DGKD: variants seen among roughly 807,000 people sequenced by gnomAD.
DGKD encodes DAG kinase delta.
DGKD carries 68 observed loss-of-function variants against 154.4 expected under a neutral mutation model. That is an observed-to-expected ratio of 0.44 (90% CI 0.36 to 0.54). DGKD has a LOEUF of 0.54. Ranked by LOEUF, DGKD falls within the 20% of genes least tolerant of loss-of-function variation. The probability of loss-of-function intolerance (pLI) is 0.00; values close to 1 mark genes in which losing one functional copy is unlikely to be tolerated. For missense variants in DGKD, 1,343 were observed against 1,593.6 expected (o/e 0.84, Z 2.68); for synonymous variants, 693 against 638.0 (o/e 1.09, Z -1.30).
At chr2:233,397,763 A>G (rs1355968271) in intron 3 of DGKD, among the ~76,000 whole-genome samples, 2 of 151,918 alleles carry the variant, frequency 1.3e-5, no homozygotes, top group African/African-American at 4.8e-5. Flanking sequence ...GGAGGTTTGT[A>G]GGATTGTTAG....
chr2:233,387,011 C>T (rs533578320), intron 1 of DGKD, among the ~76,000 whole-genome samples: 29 of 152,274 alleles, frequency 1.9e-4, no homozygotes, highest in African/African-American at 6.5e-4. Flanking sequence ...GATGGCGTGT[C>T]GGGCTGGGGG....
At chr2:233,426,901 CT>C (rs1197957474) in intron 3 of DGKD, among the ~76,000 whole-genome samples, 1 of 152,202 alleles carries the variant, frequency 6.6e-6, no homozygotes, top group Non-Finnish European at 1.5e-5. Context: ...TTAATTTGTA[CT>C]TCCCTGATGA....
chr2:233,380,196 T>C (rs1383810591), intron 1 of DGKD, among the ~76,000 whole-genome samples: 1 of 152,190 alleles, frequency 6.6e-6, no homozygotes, highest in African/African-American at 2.4e-5. Context: ...CTTTTAGATT[T>C]GATGATGCTA....
intron 26 of DGKD, among the ~76,000 whole-genome samples, chr2:233,463,001 G>T (rs927001925): frequency 6.6e-6 from 1 of 152,212 alleles, no homozygotes; most frequent in Admixed American, 6.5e-5. Context: ...TGCCTTAGAA[G>T]CCTGTAGTGC....
chr2:233,376,377 ATGTCTATGTCC>A (rs1392344710), intron 1 of DGKD, among the ~76,000 whole-genome samples: 32 of 152,308 alleles, frequency 2.1e-4, no homozygotes, highest in Non-Finnish European at 4.0e-4. Flanking sequence ...TTCACTGTAG[ATGTCTATGTCC>A]TCTCTGGACC....
intron 3 of DGKD, among the ~76,000 whole-genome samples, chr2:233,421,056 T>C (rs1277912140): frequency 6.6e-6 from 1 of 152,176 alleles, no homozygotes; most frequent in African/African-American, 2.4e-5. Flanking sequence ...CTCATTTCTA[T>C]AGTGTCTTTA....
At chr2:233,376,420 T>TG (rs1248362921) in intron 1 of DGKD, among the ~76,000 whole-genome samples, 1 of 152,130 alleles carries the variant, frequency 6.6e-6, no homozygotes, top group Non-Finnish European at 1.5e-5. Context: ...ATTAGTAAAA[T>TG]GGGGCTATAA....
intron 9 of DGKD, among the ~76,000 whole-genome samples, chr2:233,439,739 TTA>T: frequency 6.6e-6 from 1 of 152,130 alleles, no homozygotes; most frequent in Admixed American, 6.5e-5. Context: ...TTTTTTTTTT[TTA>T]TGTTTTGTTG....
Position 233,359,368 on chromosome 2 carries a change from A to C in DGKD, c.156+4694A>C, listed in dbSNP as rs190278936. Among the ~76,000 whole-genome samples, 16 of 152,352 alleles carry C rather than the reference A, an allele frequency of 1.1e-4. 1 individual carries two copies. The highest frequency in any genetic ancestry group is 9.8e-4 in the Admixed American group (15 of 15,298). ...AGAAATAACAGTTGTTATATCCATAAAATAGGAATGGGGATGTTAACTCAT... is the reference window on the plus strand; with the variant it reads ...AGAAATAACAGTTGTTATATCCATACAATAGGAATGGGGATGTTAACTCAT... On this transcript the variant is annotated intron_variant, in intron 1 of 29. Coordinates refer to ENST00000264057, the MANE Select transcript of DGKD (RefSeq NM_152879.3).
chr2:233,460,876 A>G (rs1475193279), intron 24 of DGKD, among the ~76,000 whole-genome samples: 2 of 152,090 alleles, frequency 1.3e-5, no homozygotes, highest in African/African-American at 4.8e-5. Context: ...TGGGCGACAG[A>G]GCAAGACTCT....
chr2:233,437,626 G>A (rs2062744037), intron 8 of DGKD, 147 bp downstream of exon 8: 3 of 760,960 alleles, frequency 3.9e-6, no homozygotes, highest in African/African-American at 3.4e-5. Context: ...TGGAGGAGTT[G>A]CACAGAGCGG....
At chr2:233,439,967 T>C (rs776079466) in intron 9 of DGKD, among the ~76,000 whole-genome samples, 2 of 152,190 alleles carry the variant, frequency 1.3e-5, no homozygotes, top group Admixed American at 1.3e-4. Flanking sequence ...GAGGTTGTTA[T>C]TAAACATGGT....
Position 233,388,521 on chromosome 2 carries a change from A to G in DGKD, c.267+154A>G. ...GTAACACTCCACGCTGTCAGGTTTT[A>G]CTTGTCTCAAGGCATGTTTTATTTC... is the stretch of plus-strand genomic sequence containing the variant. On this transcript the variant is annotated intron_variant, in intron 2 of 29. Transcript: ENST00000264057. 4.9e-6 allele frequency: 3 copies of G among 616,714 alleles called. No homozygotes were observed. The South Asian group carries it at 8.6e-5, about 18-fold the overall frequency. The allele number at this position is 616,714 out of a possible 1,614,324, so 38.2% of individuals were successfully genotyped here. A position where few individuals can be genotyped will look rare whatever the true frequency, so the allele number is the denominator to read the frequency against.
At chr2:233,377,958 T>C (rs1702666845) in intron 1 of DGKD, among the ~76,000 whole-genome samples, 1 of 151,950 alleles carries the variant, frequency 6.6e-6, no homozygotes, top group African/African-American at 2.4e-5. Flanking sequence ...GAGCTATAGG[T>C]GCACTAATTT....
intron 28 of DGKD, 120 bp from the exon 29 acceptor site, chr2:233,468,303 C>A: frequency 7.9e-7 from 1 of 1,268,236 alleles, no homozygotes; most frequent in Non-Finnish European, 1.1e-6. Context: ...GTCTCGGGTG[C>A]TGGCTGTTGG....
intron 12 of DGKD, chr2:233,447,462 G>T: frequency 3.0e-6 from 3 of 984,798 alleles, no homozygotes; most frequent in Non-Finnish European, 3.6e-6. Context: ...ATGTGCCTGG[G>T]CCCACGGCCT....
In DGKD at chr2:233,445,477, C is replaced by T. The variant is rs1335420567; in HGVS notation, c.1195-146C>T. 1.8e-6 allele frequency: 2 copies of T among 1,118,982 alleles called. No homozygotes were observed. Among genetic ancestry groups the T allele is most frequent in the African/African-American group, 1.6e-5 (1 of 61,340 alleles). 69.3% of individuals were successfully genotyped at this position (1,118,982 alleles called of 1,614,324 possible). ...ATCTGTCCCCTCCAGTGGGCTCTGC[C>T]TGTAATGTGTAAGCTGCGTGGTTTT... On this transcript the variant is annotated intron_variant, in intron 10 of 29. Coordinates refer to ENST00000264057, the MANE Select transcript of DGKD (RefSeq NM_152879.3). This position sits in a 1 kb window ranked among gnomAD's most constrained non-coding sequence, Gnocchi z 5.5.
rs944265250 is a variant in DGKD, at chr2:233,354,917, C to T, written c.156+243C>T. Among the ~76,000 whole-genome samples, 47 of 145,350 alleles carry T rather than the reference C, an allele frequency of 3.2e-4. No individual in the cohort carries two copies. Among genetic ancestry groups the T allele is most frequent in the East Asian group, 1.0e-3 (5 of 4,972 alleles). On this transcript the variant is annotated intron_variant, in intron 1 of 29. Coordinates refer to ENST00000264057, the MANE Select transcript of DGKD (RefSeq NM_152879.3). This position sits in a 1 kb window ranked among gnomAD's most constrained non-coding sequence, Gnocchi z 4.8. Reference sequence around the variant, plus strand: ...GCCGGGCGGGGGGCGCGCAGGTGGGCGCCCCGGGCGCCGCGCGCTGGGCGG... The same window carrying T: ...GCCGGGCGGGGGGCGCGCAGGTGGGTGCCCCGGGCGCCGCGCGCTGGGCGG...
chr2:233,432,159 A>T lies in DGKD; in HGVS notation c.349-2221A>T, dbSNP rs182320160. On this transcript the variant is annotated intron_variant, in intron 3 of 29. Transcript: ENST00000264057. The stretch of plus-strand genomic sequence containing the variant: ...GTAATCCCAGCACTTTGGGAGGCCA[A>T]GGTGGGCGGATCACGAGGTCAGGAG... Among the ~76,000 whole-genome samples, 624 of 145,222 alleles carry T rather than the reference A, an allele frequency of 4.3e-3. 1 individual carries two copies. Among genetic ancestry groups the T allele is most frequent in the South Asian group, 0.021 (100 of 4,816 alleles).
Sources: gnomAD v4.1 joint callset for allele counts (sites outside exome capture counted in the v4.1 genomes callset) on GRCh38, gnomAD v4.1.1 for gene constraint, Gnocchi (gnomAD v3.1) non-coding constraint, MANE v1.5 for transcripts, NCBI Gene and HGNC (gene_info 2026-07-23, HGNC 2026-07-21) for gene names.